The following FNBP1L variants were observed in gnomAD, a reference collection of about 807,000 sequenced individuals.
FNBP1L encodes the protein formin binding protein 1 like.
Under a neutral mutation model 91.2 loss-of-function variants are expected in FNBP1L, and 36 were observed. The observed-to-expected ratio is 0.39, with a 90% confidence interval of 0.30 to 0.52. The LOEUF (loss-of-function observed/expected upper bound fraction) is 0.52. Among genes scored for constraint, FNBP1L ranks in the 20% least tolerant of loss-of-function variants. FNBP1L has a pLI of 0.66. For missense variants in FNBP1L, 571 were observed against 732.1 expected (o/e 0.78, Z 2.54); for synonymous variants, 242 against 237.0 (o/e 1.02, Z -0.19).
chr1:93,524,836 T>G (rs545233355), intron 5 of FNBP1L, among the ~76,000 whole-genome samples: 1 of 151,986 alleles, frequency 6.6e-6, no homozygotes, highest in South Asian at 2.1e-4. Flanking sequence ...TTGTAAATGC[T>G]CCTGATATTG....
rs1367920640 is a variant in FNBP1L at position 93,554,588 on chromosome 1, T to A, written c.*2172T>A. 1 of 152,672 alleles carries A rather than the reference T, an allele frequency of 6.5e-6. No individual in the cohort carries two copies. Among genetic ancestry groups the A allele is most frequent in the African/African-American group, 2.4e-5 (1 of 41,464 alleles). The allele number at this position is 152,672 out of a possible 1,614,324, so 9.5% of individuals were successfully genotyped here. A position where few individuals can be genotyped will look rare whatever the true frequency, so the allele number is the denominator to read the frequency against. On this transcript the variant is annotated 3_prime_UTR_variant, in exon 17 of 17. Transcript: ENST00000271234. Reference sequence around the variant, plus strand: ...CACATGTTGATTTCTTAATGGTAAATCCTTCATTTAAAGATAGTGTTCTCT... The same window carrying A: ...CACATGTTGATTTCTTAATGGTAAAACCTTCATTTAAAGATAGTGTTCTCT...
At chr1:93,472,648 T>A (rs1230332409) in intron 1 of FNBP1L, among the ~76,000 whole-genome samples, 1 of 151,454 alleles carries the variant, frequency 6.6e-6, no homozygotes, top group African/African-American at 2.4e-5. Flanking sequence ...CCGTCTGTAC[T>A]AAAAATACAA....
chr1:93,481,045 C>G (rs974885481), intron 1 of FNBP1L, among the ~76,000 whole-genome samples: 1 of 152,080 alleles, frequency 6.6e-6, no homozygotes, highest in Non-Finnish European at 1.5e-5. Context: ...TGTGATTAAT[C>G]TTACTTGTGT....
intron 12 of FNBP1L, 51 bp from the exon 13 acceptor site, chr1:93,546,791 T>G: frequency 6.3e-7 from 1 of 1,594,108 alleles, no homozygotes; most frequent in Non-Finnish European, 8.6e-7. Context: ...CTCTTTTATC[T>G]GGAAGCATAT....
chr1:93,479,089 C>A (rs1335674243), intron 1 of FNBP1L, among the ~76,000 whole-genome samples: 2 of 152,276 alleles, frequency 1.3e-5, no homozygotes, highest in East Asian at 3.9e-4. Context: ...GTCGGCCGGT[C>A]TGAGAAATAG....
intron 1 of FNBP1L, among the ~76,000 whole-genome samples, chr1:93,468,493 C>G (rs1453588360): frequency 6.6e-6 from 1 of 152,186 alleles, no homozygotes; most frequent in African/African-American, 2.4e-5. Flanking sequence ...TGCAGTGGCA[C>G]AGTCTTGGCT....
chr1:93,464,264 C>T (rs544142485), intron 1 of FNBP1L, among the ~76,000 whole-genome samples: 1 of 152,290 alleles, frequency 6.6e-6, no homozygotes, highest in East Asian at 1.9e-4. Context: ...CAAAGATTTA[C>T]TGAGTAGCTA....
intron 2 of FNBP1L, among the ~76,000 whole-genome samples, chr1:93,509,536 G>C (rs1463483470): frequency 6.6e-6 from 1 of 152,204 alleles, no homozygotes; most frequent in African/African-American, 2.4e-5. Flanking sequence ...TAGGTAAAAC[G>C]TGTCCCCTAC....
In FNBP1L at chr1:93,551,018, G is replaced by A. The variant is rs1283392989; in HGVS notation, c.1723G>A (p.Gly575Arg). 6.2e-7 allele frequency: 1 copy of A among 1,612,762 alleles called. No individual in the cohort carries two copies. The highest frequency in any genetic ancestry group is 8.5e-7 in the Non-Finnish European group (1 of 1,179,264). ...CATTATAGAGGAGGACAAAGGTGACGGATGGACAAGAGCTCGGAGACAGAA... is the reference window on the plus strand; with the variant it reads ...CATTATAGAGGAGGACAAAGGTGACAGATGGACAAGAGCTCGGAGACAGAA... ...LYIIEEDKGD[G>R]WTRARRQNGE... The change falls in exon 16 of 17, where the codon GGA becomes AGA. Residue 575 changes from glycine (G) to arginine (R), a missense_variant. This residue lies in a region of FNBP1L where 189 missense variants were observed against 219.7 expected (regional missense o/e 0.86). Coordinates refer to ENST00000271234, the MANE Select transcript of FNBP1L (RefSeq NM_001164473.3).
At chr1:93,491,275 A>G (rs1032551639) in intron 1 of FNBP1L, among the ~76,000 whole-genome samples, 7 of 151,856 alleles carry the variant, frequency 4.6e-5, no homozygotes, top group African/African-American at 9.7e-5. Context: ...AAAACTTTCT[A>G]CTTTATATTG....
intron 10 of FNBP1L, 136 bp downstream of exon 10, chr1:93,536,626 GC>G (rs538281889): frequency 2.7e-6 from 2 of 751,556 alleles, no homozygotes; most frequent in African/African-American, 3.6e-5. Context: ...AAGAATAGCT[GC>G]CCTCAAGTTA....
chr1:93,531,968 T>C (rs975085472), intron 7 of FNBP1L, among the ~76,000 whole-genome samples: 1 of 152,180 alleles, frequency 6.6e-6, no homozygotes, highest in Non-Finnish European at 1.5e-5. Context: ...TTCCAACATA[T>C]TTCCTAGTGG....
At chr1:93,456,819 G>T (rs1668684690) in intron 1 of FNBP1L, among the ~76,000 whole-genome samples, 1 of 152,016 alleles carries the variant, frequency 6.6e-6, no homozygotes, top group South Asian at 2.1e-4. Context: ...GTATTTACAG[G>T]GGATGACAAG....
rs544220275 is a variant in FNBP1L, at chr1:93,483,538, C to T, written c.25-15930C>T. On this transcript the variant is annotated intron_variant, in intron 1 of 16. Coordinates refer to ENST00000271234, the MANE Select transcript of FNBP1L (RefSeq NM_001164473.3). ...TCTATCTATTATATGAAATTGACTA[C>T]ATTAATCATAATTTCTTAATCCTAA... Among the ~76,000 whole-genome samples, 16 of 152,266 alleles carry T rather than the reference C, an allele frequency of 1.1e-4. No homozygotes were observed. In the South Asian group the frequency reaches 3.3e-3, roughly 32 times the overall value.
At chr1:93,536,272 C>A in intron 9 of FNBP1L, 60 bp from the exon 10 acceptor site, 5 of 1,218,012 alleles carry the variant, frequency 4.1e-6, no homozygotes, top group South Asian at 3.2e-5. Flanking sequence ...ATAGAATTTT[C>A]ATTTAGGAGA....
chr1:93,505,970 C>A (rs1232584453), intron 2 of FNBP1L, among the ~76,000 whole-genome samples: 2 of 152,170 alleles, frequency 1.3e-5, no homozygotes, highest in East Asian at 3.8e-4. Flanking sequence ...AGCCACCATG[C>A]CTGGCCCAGC....
intron 6 of FNBP1L, 29 bp from the exon 7 acceptor site, chr1:93,530,726 G>A (rs1415894862): frequency 6.3e-7 from 1 of 1,585,818 alleles, no homozygotes; most frequent in Non-Finnish European, 8.6e-7. Flanking sequence ...TTTTGTTGTT[G>A]ATAATAATTT....
chr1:93,543,979 AGGGGTT>A, intron 11 of FNBP1L, 122 bp from the exon 12 acceptor site: 1 of 487,262 alleles, frequency 2.1e-6, no homozygotes, highest in Non-Finnish European at 3.5e-6. Context: ...TTTTTTTTTA[AGGGGTT>A]GCTTGAGGCA....
rs912713625 is a variant in FNBP1L at position 93,520,733 on chromosome 1, C to T, written c.141-1349C>T. ...GGACAGAGAAGTTAGGCAAATTGTCCAAGGTCACATAGGTACTACATAAAA... is the reference window on the plus strand; with the variant it reads ...GGACAGAGAAGTTAGGCAAATTGTCTAAGGTCACATAGGTACTACATAAAA... On this transcript the variant is annotated intron_variant, in intron 2 of 16. Transcript: ENST00000271234. Among the ~76,000 whole-genome samples, 5 of 152,122 alleles carry T rather than the reference C, an allele frequency of 3.3e-5. No homozygotes were observed. The South Asian group carries it at 6.2e-4, about 19-fold the overall frequency.
Sources: gnomAD v4.1 joint callset for allele counts (sites outside exome capture counted in the v4.1 genomes callset) on GRCh38, gnomAD v4.1.1 for gene constraint, gnomAD v4.1.1 regional missense constraint, MANE v1.5 for transcripts, NCBI Gene and HGNC (gene_info 2026-07-23, HGNC 2026-07-21) for gene names.